Variants in IMMP2L observed in about 807,000 individuals in gnomAD.
IMMP2L encodes inner mitochondrial membrane peptidase subunit 2, also known as mitochondrial inner membrane protease subunit 2.
A neutral mutation model predicts 19.3 loss-of-function variants in IMMP2L; 18 were observed. That is an observed-to-expected ratio of 0.93 (90% CI 0.64 to 1.38). The LOEUF is 1.38. IMMP2L is among the 40% of genes most tolerant of loss of function. The pLI is 0.00. For missense variants in IMMP2L, 233 were observed against 218.2 expected (o/e 1.07, Z -0.43); for synonymous variants, 76 against 73.0 (o/e 1.04, Z -0.21).
chr7:110,674,161 T>C (rs1348301749), intron 5 of IMMP2L, among the ~76,000 whole-genome samples: 4 of 152,282 alleles, frequency 2.6e-5, no homozygotes, highest in South Asian at 4.2e-4. Flanking sequence ...GAAGCAAGCA[T>C]GTCCTTCTCC....
intron 3 of IMMP2L, among the ~76,000 whole-genome samples, chr7:110,993,798 A>G (rs967108340): frequency 2.6e-5 from 4 of 152,148 alleles, no homozygotes; most frequent in Non-Finnish European, 4.4e-5. Flanking sequence ...AAGACAGGCC[A>G]CAAAACAAAA....
chr7:110,928,315 AT>A (rs1815080282), intron 4 of IMMP2L, among the ~76,000 whole-genome samples: 1 of 151,078 alleles, frequency 6.6e-6, no homozygotes, highest in Non-Finnish European at 1.5e-5. Flanking sequence ...ATAATTAAAA[AT>A]ATATGTGTGT....
intron 3 of IMMP2L, among the ~76,000 whole-genome samples, chr7:111,126,279 G>T (rs1435300705): frequency 2.0e-5 from 3 of 152,014 alleles, no homozygotes; most frequent in African/African-American, 4.8e-5. Flanking sequence ...ACATGGCAAG[G>T]AAACAACATG....
chr7:111,544,789 CTT>C (rs944757406), intron 1 of IMMP2L, among the ~76,000 whole-genome samples: 4 of 142,758 alleles, frequency 2.8e-5, no homozygotes, highest in Admixed American at 7.0e-5. Flanking sequence ...TGTATATTGG[CTT>C]TTTTTTTTTC....
Position 111,095,593 on chromosome 7 carries a change from C to T in IMMP2L, c.240-132028G>A, listed in dbSNP as rs769840885. ...TCATTTGAATATAGTTTACCATATT[C>T]TGTAAAGTCATAAAAATTAGAGTTT... On this transcript the variant is annotated intron_variant, in intron 3 of 5. Coordinates refer to ENST00000405709, the MANE Select transcript of IMMP2L (RefSeq NM_032549.4). Among the ~76,000 whole-genome samples, 10 of 152,036 alleles carry T rather than the reference C, an allele frequency of 6.6e-5. No individual in the cohort carries two copies. In the South Asian group the frequency reaches 1.2e-3, roughly 19 times the overall value.
intron 5 of IMMP2L, among the ~76,000 whole-genome samples, chr7:110,691,657 G>T (rs1207635985): frequency 6.6e-6 from 1 of 151,898 alleles, no homozygotes. Flanking sequence ...AAAGGACATG[G>T]ATAGACATAT....
intron 2 of IMMP2L, among the ~76,000 whole-genome samples, chr7:111,518,558 T>C (rs1846067758): frequency 6.6e-6 from 1 of 152,126 alleles, no homozygotes; most frequent in Non-Finnish European, 1.5e-5. Flanking sequence ...TAGAGAAATT[T>C]AAAGAGAAGA....
chr7:110,981,975 T>C (rs2129558179), intron 3 of IMMP2L, among the ~76,000 whole-genome samples: 1 of 152,234 alleles, frequency 6.6e-6, no homozygotes, highest in Non-Finnish European at 1.5e-5. Flanking sequence ...AGAAACTAAA[T>C]ATAAAGGGAT....
intron 5 of IMMP2L, among the ~76,000 whole-genome samples, chr7:110,779,878 G>A (rs1296548499): frequency 6.6e-6 from 1 of 151,766 alleles, no homozygotes; most frequent in Non-Finnish European, 1.5e-5. Context: ...CTAGGGAACT[G>A]CCTAACTAGG....
At chr7:110,957,053 T>C (rs1453981691) in intron 4 of IMMP2L, among the ~76,000 whole-genome samples, 1 of 152,044 alleles carries the variant, frequency 6.6e-6, no homozygotes, top group Admixed American at 6.6e-5. Context: ...TACTGTTTGA[T>C]GTTATAGATA....
chr7:111,333,992 A>G (rs1420359211), intron 3 of IMMP2L, among the ~76,000 whole-genome samples: 2 of 152,066 alleles, frequency 1.3e-5, no homozygotes, highest in African/African-American at 4.8e-5. Flanking sequence ...CTTCTTCTAG[A>G]AAAAAACCTT....
intron 5 of IMMP2L, among the ~76,000 whole-genome samples, chr7:110,737,219 G>A (rs1042267958): frequency 2.0e-5 from 3 of 152,122 alleles, no homozygotes; most frequent in African/African-American, 7.2e-5. Context: ...GGCTCCCTGA[G>A]ATGCCAAAAA....
At chr7:111,168,130 T>C (rs1375009418) in intron 3 of IMMP2L, among the ~76,000 whole-genome samples, 1 of 152,014 alleles carries the variant, frequency 6.6e-6, no homozygotes, top group East Asian at 1.9e-4. Flanking sequence ...ATTCGAAACT[T>C]GATTTTCTGC....
intron 5 of IMMP2L, among the ~76,000 whole-genome samples, chr7:110,716,457 T>C (rs1795242800): frequency 6.6e-6 from 1 of 152,186 alleles, no homozygotes; most frequent in Non-Finnish European, 1.5e-5. Flanking sequence ...TTTCCAAGTT[T>C]AGAACCTGCT....
intron 5 of IMMP2L, among the ~76,000 whole-genome samples, chr7:110,849,246 T>C (rs2131513025): frequency 6.6e-6 from 1 of 152,236 alleles, no homozygotes. Flanking sequence ...AAAAATATAG[T>C]TTACTAATTT....
chr7:111,282,044 A>T (rs1485439568), intron 3 of IMMP2L, among the ~76,000 whole-genome samples: 1 of 152,228 alleles, frequency 6.6e-6, no homozygotes, highest in African/African-American at 2.4e-5. Flanking sequence ...AGAGAAAATA[A>T]TTGGGAATTG....
intron 5 of IMMP2L, among the ~76,000 whole-genome samples, chr7:110,868,077 T>C (rs1248244321): frequency 6.6e-6 from 1 of 151,074 alleles, no homozygotes; most frequent in Non-Finnish European, 1.5e-5. Context: ...AGTTTTTATC[T>C]GTAGCTCTTT....
intron 3 of IMMP2L, among the ~76,000 whole-genome samples, chr7:111,351,946 G>T (rs1828203200): frequency 6.6e-6 from 1 of 152,122 alleles, no homozygotes; most frequent in Admixed American, 6.6e-5. Context: ...CAACTTCTCA[G>T]TGAAAAAGAT....
chr7:110,884,678 T>C (rs1810026144), intron 5 of IMMP2L, among the ~76,000 whole-genome samples: 1 of 152,082 alleles, frequency 6.6e-6, no homozygotes, highest in African/African-American at 2.4e-5. Context: ...TCTTTTTCAC[T>C]TGCGAGTTGC....
Sources: gnomAD v4.1 joint callset for allele counts (sites outside exome capture counted in the v4.1 genomes callset) on GRCh38, gnomAD v4.1.1 for gene constraint, MANE v1.5 for transcripts, NCBI Gene and HGNC (gene_info 2026-07-23, HGNC 2026-07-21) for gene names.